Variants in ARL15 observed in about 807,000 individuals in gnomAD.
ARL15 encodes ADP-ribosylation factor-like protein 15.
ARL15 carries 19 observed loss-of-function variants against 25.2 expected under a neutral mutation model. That is an observed-to-expected ratio of 0.75 (90% CI 0.53 to 1.10). The LOEUF (loss-of-function observed/expected upper bound fraction) is 1.10. Among genes scored for constraint, ARL15 ranks in the 50% least tolerant of loss-of-function variants. ARL15 has a pLI of 0.00. For missense variants in ARL15, 220 were observed against 246.0 expected, an observed-to-expected ratio of 0.89 and a Z score of 0.71; for synonymous variants, 94 against 86.8, an observed-to-expected ratio of 1.08 and a Z score of -0.46.
At chr5:54,061,578 G>A (rs1313142946) in intron 4 of ARL15, among the ~76,000 whole-genome samples, 2 of 152,174 alleles carry the variant, frequency 1.3e-5, no homozygotes, top group East Asian at 3.9e-4. Flanking sequence ...TCTAGCCTGG[G>A]CAACAAGAGC....
At chr5:54,077,087 A>G (rs767400984) in intron 4 of ARL15, among the ~76,000 whole-genome samples, 18 of 152,184 alleles carry the variant, frequency 1.2e-4, no homozygotes, top group Non-Finnish European at 2.1e-4. Context: ...GGGAGAAATT[A>G]AGAGTACCGT....
At chr5:54,194,032 G>T (rs1235591169) in intron 1 of ARL15, among the ~76,000 whole-genome samples, 7 of 152,022 alleles carry the variant, frequency 4.6e-5, no homozygotes, top group Non-Finnish European at 2.9e-5. Flanking sequence ...GGTGTCCCCT[G>T]GGAGACTATG....
At chr5:54,147,303 G>A (rs1753940419) in intron 3 of ARL15, among the ~76,000 whole-genome samples, 1 of 152,028 alleles carries the variant, frequency 6.6e-6, no homozygotes, top group Non-Finnish European at 1.5e-5. Flanking sequence ...AAGAGAATTA[G>A]TGGAAATACC....
intron 1 of ARL15, among the ~76,000 whole-genome samples, chr5:54,231,237 G>C (rs1300820960): frequency 6.6e-6 from 1 of 152,016 alleles, no homozygotes; most frequent in Non-Finnish European, 1.5e-5. Context: ...TAGAAACCTG[G>C]AAGTCCTGAC....
Position 54,265,488 on chromosome 5 carries a change from C to T in ARL15, c.48+44944G>A, listed in dbSNP as rs139180765. ...CAAAAATTCTGCCAGAGATAAGGTT[C>T]AGCCGATGGTAACATCCATGAGCTG... On this transcript the variant is annotated intron_variant, in intron 1 of 4. Transcript: ENST00000504924. Among the ~76,000 whole-genome samples the T allele has an allele frequency of 3.6e-3, 550 of 152,304 alleles. 1 individual carries two copies. The highest frequency in any genetic ancestry group is 0.013 in the African/African-American group (533 of 41,552).
intron 4 of ARL15, among the ~76,000 whole-genome samples, chr5:54,095,758 T>C (rs1218577211): frequency 6.6e-6 from 1 of 151,968 alleles, no homozygotes; most frequent in African/African-American, 2.4e-5. Flanking sequence ...TTGAGCTCAT[T>C]TGTAAAAAGG....
At chr5:54,120,716 T>C (rs953644845) in intron 3 of ARL15, among the ~76,000 whole-genome samples, 1 of 152,144 alleles carries the variant, frequency 6.6e-6, no homozygotes, top group Non-Finnish European at 1.5e-5. Context: ...AACACTTTTG[T>C]GGTATTCTAG....
At chr5:54,259,267 G>C (rs1757439167) in intron 1 of ARL15, among the ~76,000 whole-genome samples, 1 of 152,052 alleles carries the variant, frequency 6.6e-6, no homozygotes, top group Non-Finnish European at 1.5e-5. Flanking sequence ...CACACATACT[G>C]ATATATGCAC....
intron 4 of ARL15, among the ~76,000 whole-genome samples, chr5:54,035,084 C>A (rs1579723200): frequency 6.6e-6 from 1 of 150,726 alleles, no homozygotes; most frequent in African/African-American, 2.4e-5. Flanking sequence ...ACAAATATAG[C>A]AAATGAAATA....
At chr5:54,239,225 A>T (rs1241210311) in intron 1 of ARL15, among the ~76,000 whole-genome samples, 1 of 106,298 alleles carries the variant, frequency 9.4e-6, no homozygotes, top group Non-Finnish European at 2.2e-5. Context: ...GGCTTTTATG[A>T]ATGCCATTTT....
Position 54,117,965 on chromosome 5 carries a change from T to C in ARL15, c.254-4555A>G, listed in dbSNP as rs145238630. Among the ~76,000 whole-genome samples, 8 of 152,296 alleles carry C rather than the reference T, an allele frequency of 5.3e-5. No individual in the cohort carries two copies. In the East Asian group the frequency reaches 1.3e-3, roughly 26 times the overall value. ...GGTGATATTAATAGACAGATATTCA[T>C]AAAGTAATCTGTAAACATTTGGAAG... On this transcript the variant is annotated intron_variant, in intron 3 of 4. Coordinates refer to ENST00000504924, the MANE Select transcript of ARL15 (RefSeq NM_019087.3).
chr5:54,232,213 T>C (rs571557853), intron 1 of ARL15, among the ~76,000 whole-genome samples: 10 of 152,180 alleles, frequency 6.6e-5, no homozygotes, highest in Admixed American at 1.3e-4. Flanking sequence ...CCTCACCAAA[T>C]GTTCCCATGA....
At chr5:54,282,424 T>G in intron 1 of ARL15, 1 of 985,468 alleles carries the variant, frequency 1.0e-6, no homozygotes, top group Non-Finnish European at 1.2e-6. Context: ...AAAGAAAATC[T>G]GCTGTATTCC....
chr5:54,101,370 T>A (rs1579800516), intron 4 of ARL15, among the ~76,000 whole-genome samples: 2 of 152,086 alleles, frequency 1.3e-5, no homozygotes, highest in South Asian at 4.1e-4. Flanking sequence ...TTTTAACAGA[T>A]GAAATTACAA....
intron 2 of ARL15, among the ~76,000 whole-genome samples, chr5:54,155,501 A>G (rs1285687173): frequency 6.6e-5 from 10 of 152,326 alleles, no homozygotes; most frequent in Non-Finnish European, 2.9e-5. Flanking sequence ...TAAAAGTACA[A>G]TCATAATTAT....
intron 4 of ARL15, among the ~76,000 whole-genome samples, chr5:54,057,180 A>G (rs1750903799): frequency 6.6e-6 from 1 of 152,192 alleles, no homozygotes; most frequent in Non-Finnish European, 1.5e-5. Flanking sequence ...ACAATAATGT[A>G]GGATATTTAG....
intron 4 of ARL15, among the ~76,000 whole-genome samples, chr5:54,013,412 G>A (rs1433750062): frequency 6.6e-6 from 1 of 152,164 alleles, no homozygotes; most frequent in Non-Finnish European, 1.5e-5. Context: ...GAGAGATTTA[G>A]TTTAAATTTT....
chr5:53,954,826 T>A (rs1747091685), intron 4 of ARL15, among the ~76,000 whole-genome samples: 1 of 152,094 alleles, frequency 6.6e-6, no homozygotes, highest in Non-Finnish European at 1.5e-5. Context: ...ACACTGTTCT[T>A]AAAGTGGAAA....
At chr5:54,215,365 G>C (rs1475395897) in intron 1 of ARL15, among the ~76,000 whole-genome samples, 2 of 152,130 alleles carry the variant, frequency 1.3e-5, no homozygotes, top group Non-Finnish European at 2.9e-5. Context: ...ATGGGTGGCT[G>C]TATCTGTCTG....
Sources: gnomAD v4.1 joint callset for allele counts (sites outside exome capture counted in the v4.1 genomes callset) on GRCh38, gnomAD v4.1.1 for gene constraint, MANE v1.5 for transcripts, NCBI Gene and HGNC (gene_info 2026-07-23, HGNC 2026-07-21) for gene names.